The following MLXIPL variants were observed in gnomAD, a reference collection of about 807,000 sequenced individuals.
MLXIPL encodes carbohydrate-responsive element-binding protein.
MLXIPL carries 49 observed loss-of-function variants against 81.5 expected under a neutral mutation model. That is an observed-to-expected ratio of 0.60 (90% CI 0.48 to 0.76). MLXIPL has a LOEUF of 0.76. Among genes scored for constraint, MLXIPL ranks in the 30% least tolerant of loss-of-function variants. The pLI is 0.00. For missense variants in MLXIPL, 1,053 were observed against 1,167.0 expected (o/e 0.90, Z 1.42); for synonymous variants, 466 against 485.5 (o/e 0.96, Z 0.53).
At position 73,596,231 on chromosome 7, in the gene MLXIPL, C is replaced by G; in HGVS notation, c.1980G>C (p.Lys660Asn). The G allele has an allele frequency of 6.2e-7, 1 of 1,613,192 alleles. No individual in the cohort carries two copies. Among genetic ancestry groups the G allele is most frequent in the Non-Finnish European group, 8.5e-7 (1 of 1,179,962 alleles). Residue 660 changes from lysine to asparagine, a missense_variant, in exon 13 of 17, where the codon AAG becomes AAC. Lys to Asn is a moderately conservative substitution (Grantham distance 94). Transcript: ENST00000313375. This position sits in a 1 kb window ranked among gnomAD's most constrained non-coding sequence, Gnocchi z 4.7. Reference sequence around the variant, plus strand: ...ACCCCAGCTTGATGTTGAAGCGCCGCTTCTGCTCCGCGGAGATGTGTGTGA... The same window carrying G: ...ACCCCAGCTTGATGTTGAAGCGCCGGTTCTGCTCCGCGGAGATGTGTGTGA... ...RRITHISAEQ[K>N]RRFNIKLGFD...
At chr7:73,611,392 A>T (rs1464116484) in intron 2 of MLXIPL, 4 of 152,280 alleles carry the variant, frequency 2.6e-5, no homozygotes, top group African/African-American at 9.6e-5. Flanking sequence ...AAAGAGAACA[A>T]CTGCTGACCC....
chr7:73,612,293 T>C (rs969678319), intron 2 of MLXIPL, among the ~76,000 whole-genome samples: 1 of 151,912 alleles, frequency 6.6e-6, no homozygotes, highest in Non-Finnish European at 1.5e-5. Context: ...TTGGCTCCAC[T>C]GCACTCCAGC....
At chr7:73,629,764 C>T in the MLXIPL span, among the ~76,000 whole-genome samples, 333 of 152,156 alleles carry the variant, frequency 2.2e-3, 3 homozygotes, top group African/African-American at 7.6e-3. Flanking sequence ...ATTCCATTTA[C>T]TAGTGAGCCT....
chr7:73,602,126 G>GCCTTCCTTCCTTCCTTCCTTCCTTCCTT lies in MLXIPL; in HGVS notation c.902-2432_902-2431insAAGGAAGGAAGGAAGGAAGGAAGGAAGG, dbSNP rs1317199546. On this transcript the variant is annotated intron_variant, in intron 7 of 16. Transcript: ENST00000313375. ...TGCCTGCCTGCCTGCCTGCCTGCCT[G>GCCTTCCTTCCTTCCTTCCTTCCTTCCTT]CCTGCCTTCCTTCCTTCCTTCCTTC... Among the ~76,000 whole-genome samples the GCCTTCCTTCCTTCCTTCCTTCCTTCCTT allele has an allele frequency of 8.0e-3, 608 of 75,706 alleles. 5 individuals carry two copies. The highest frequency in any genetic ancestry group is 0.017 in the South Asian group (28 of 1,688). 49.7% of individuals were successfully genotyped at this position (75,706 alleles called of 152,430 possible). A position where few individuals can be genotyped will look rare whatever the true frequency, so the allele number is the denominator to read the frequency against.
chr7:73,621,670 TCTCC>T (rs1163042248), intron 1 of MLXIPL, among the ~76,000 whole-genome samples: 2 of 133,808 alleles, frequency 1.5e-5, no homozygotes, highest in Non-Finnish European at 3.4e-5. Context: ...CAACCCTCCA[TCTCC>T]CTCCATCTCC....
the MLXIPL span, among the ~76,000 whole-genome samples, chr7:73,629,920 C>G: frequency 1.3e-5 from 2 of 152,012 alleles, no homozygotes; most frequent in Non-Finnish European, 2.9e-5. Context: ...CACTTACCAC[C>G]TAGCAGGTCC....
At chr7:73,625,319 C>A (rs1266287523), upstream of MLXIPL, among the ~76,000 whole-genome samples, 1 of 152,284 alleles carries the variant, frequency 6.6e-6, no homozygotes, top group African/African-American at 2.4e-5. Context: ...TCACCTCCAA[C>A]CCCCGCCCCC....
At chr7:73,629,047 C>CT (rs782604408), upstream of MLXIPL, among the ~76,000 whole-genome samples, 7,385 of 143,748 alleles carry the variant, frequency 0.051, 199 homozygotes, top group Non-Finnish European at 0.065. Flanking sequence ...CTTTTCTTTT[C>CT]TTTTTTTTTT....
chr7:73,632,704 G>A, the MLXIPL span, among the ~76,000 whole-genome samples: 1 of 151,892 alleles, frequency 6.6e-6, no homozygotes, highest in East Asian at 1.9e-4. Flanking sequence ...GTCTTCCTGT[G>A]GGAAGGAAAG....
the MLXIPL span, among the ~76,000 whole-genome samples, chr7:73,644,213 CT>C: frequency 1.5e-3 from 215 of 145,100 alleles, no homozygotes; most frequent in Middle Eastern, 3.6e-3. Flanking sequence ...CTGGTTTTGT[CT>C]TTTTTTTTTT....
chr7:73,644,096 C>T, the MLXIPL span, among the ~76,000 whole-genome samples: 1 of 152,058 alleles, frequency 6.6e-6, no homozygotes, highest in African/African-American at 2.4e-5. Flanking sequence ...CAGGGTCTCA[C>T]TAGGCTGCCC....
intron 8 of MLXIPL, among the ~76,000 whole-genome samples, chr7:73,598,357 C>T (rs1241355453): frequency 6.6e-6 from 1 of 152,058 alleles, no homozygotes; most frequent in African/African-American, 2.4e-5. Flanking sequence ...ATTCATCCAC[C>T]AACCCATCCA....
chr7:73,605,562 TA>T, intron 7 of MLXIPL, 125 bp downstream of exon 7: 1 of 829,676 alleles, frequency 1.2e-6, no homozygotes, highest in Non-Finnish European at 1.9e-6. Context: ...AATAAATAAA[TA>T]AAAAGACAGA....
Position 73,607,036 on chromosome 7 carries a change from G to A in MLXIPL, c.574-18C>T, listed in dbSNP as rs782797003. On this transcript the variant is annotated intron_variant, in intron 4 of 16. Transcript: ENST00000313375. ...TTACGGAGCTGCAGGGACACACAGAGTTGGACACCGGATCCCTTGCCCCAT... is the reference window on the plus strand; with the variant it reads ...TTACGGAGCTGCAGGGACACACAGAATTGGACACCGGATCCCTTGCCCCAT... The A allele has an allele frequency of 3.1e-6, 5 of 1,612,592 alleles. No homozygotes were observed. The East Asian group carries it at 1.1e-4, about 36-fold the overall frequency.
At chr7:73,600,387 G>C (rs1359945719) in intron 7 of MLXIPL, among the ~76,000 whole-genome samples, 13 of 113,550 alleles carry the variant, frequency 1.1e-4, no homozygotes, top group Non-Finnish European at 2.2e-4. Context: ...GGTGAGGGGG[G>C]TGCCTAAGGC....
intron 8 of MLXIPL, 26 bp from the exon 9 acceptor site, chr7:73,597,739 C>CT: frequency 7.5e-7 from 1 of 1,335,508 alleles, no homozygotes; most frequent in South Asian, 2.6e-5. Context: ...GACAGACACT[C>CT]AGAGAGCAGG....
rs560999080 is a variant in MLXIPL, at chr7:73,595,934, C to T, written c.2094G>A (p.Glu698=). The change falls in exon 14 of 17, where the codon GAG becomes GAA. Residue 698 remains glutamate, a synonymous_variant. Coordinates refer to ENST00000313375, the MANE Select transcript of MLXIPL (RefSeq NM_032951.3). ...SKATTLQKTA[E]YILMLQQERA... ...GCTCCTGCTGTAGCATAAGGATGTA[C>T]TCAGCTGTCTTCTGCAGCGTGGTAG... 8.1e-5 allele frequency: 130 copies of T among 1,613,310 alleles called. 1 individual carries two copies. In the South Asian group the frequency reaches 1.4e-3, roughly 17 times the overall value.
At chr7:73,631,688 C>T in the MLXIPL span, among the ~76,000 whole-genome samples, 6 of 148,618 alleles carry the variant, frequency 4.0e-5, no homozygotes, top group African/African-American at 1.5e-4. Flanking sequence ...ATTACAGGCA[C>T]GAGTCACTGT....
At position 73,596,949 on chromosome 7, in the gene MLXIPL, C is replaced by G. The variant is rs1554594384; in HGVS notation, c.1604-17G>C. 1 of 1,604,604 alleles carries G rather than the reference C, an allele frequency of 6.2e-7. No homozygotes were observed. The highest frequency in any genetic ancestry group is 2.2e-5 in the East Asian group (1 of 44,638). Reference sequence around the variant, plus strand: ...CCGGCTTAGCTGTGCACGGGCAGAACCGTGAGGCTACTGGGGCTGGCCCAC... The same window carrying G: ...CCGGCTTAGCTGTGCACGGGCAGAAGCGTGAGGCTACTGGGGCTGGCCCAC... On this transcript the variant is annotated splice_polypyrimidine_tract_variant and intron_variant, in intron 9 of 16. Coordinates refer to ENST00000313375, the MANE Select transcript of MLXIPL (RefSeq NM_032951.3). This position sits in a 1 kb window ranked among gnomAD's most constrained non-coding sequence, Gnocchi z 4.7.
Sources: gnomAD v4.1 joint callset for allele counts (sites outside exome capture counted in the v4.1 genomes callset) on GRCh38, gnomAD v4.1.1 for gene constraint, Gnocchi (gnomAD v3.1) non-coding constraint, MANE v1.5 for transcripts, NCBI Gene and HGNC (gene_info 2026-07-23, HGNC 2026-07-21) for gene names.